The following MEIS1 variants were observed in gnomAD, a reference collection of about 807,000 sequenced individuals.
MEIS1 encodes the protein Meis homeobox 1.
In MEIS1, 5 loss-of-function variants were observed where a neutral mutation model predicts 50.8. The ratio of observed to expected loss-of-function variants is 0.10; its 90% CI spans 0.05 to 0.21. The LOEUF is 0.21. Ranked by LOEUF, MEIS1 falls within the 10% of genes least tolerant of loss-of-function variation. The pLI, the probability that MEIS1 is intolerant of heterozygous loss-of-function variation, is 1.00. For synonymous variants in MEIS1, 176 were observed against 179.3 expected (o/e 0.98, Z 0.15); for missense variants, 318 against 517.3 (o/e 0.61, Z 3.74).
In MEIS1 at chr2:66,554,248, A is replaced by T. The variant is rs190290174; in HGVS notation, c.965+6229A>T. Among the ~76,000 whole-genome samples, 34 of 152,350 alleles carry T rather than the reference A, an allele frequency of 2.2e-4. 1 individual carries two copies. The highest frequency in any genetic ancestry group is 7.9e-4 in the African/African-American group (33 of 41,586). The stretch of plus-strand genomic sequence containing the variant: ...ATGAAACCAGTGACAACGGAGGTTG[A>T]CTTTGAACATGGTATGCAGGTCAGC... On this transcript the variant is annotated intron_variant, in intron 9 of 12. Transcript: ENST00000272369.
chr2:66,498,763 G>T (rs1437303335), intron 7 of MEIS1, among the ~76,000 whole-genome samples: 1 of 152,180 alleles, frequency 6.6e-6, no homozygotes, highest in East Asian at 1.9e-4. Context: ...TTTGCCTGGA[G>T]GGGAAGATTC....
chr2:66,469,878 A>G (rs1672726663), intron 7 of MEIS1, among the ~76,000 whole-genome samples: 1 of 152,144 alleles, frequency 6.6e-6, no homozygotes, highest in Admixed American at 6.5e-5. Flanking sequence ...CTGTCACTGC[A>G]GCTTTTCAGC....
intron 9 of MEIS1, among the ~76,000 whole-genome samples, chr2:66,555,708 C>T (rs969884907): frequency 2.2e-4 from 34 of 152,096 alleles, no homozygotes; most frequent in Non-Finnish European, 3.5e-4. Flanking sequence ...CCGTTAAGCA[C>T]GGAAGCGCAG....
At chr2:66,486,850 T>C (rs1004536270) in intron 7 of MEIS1, among the ~76,000 whole-genome samples, 1 of 152,206 alleles carries the variant, frequency 6.6e-6, no homozygotes, top group Admixed American at 6.5e-5. Context: ...TATTTTATTC[T>C]TTTTGTAGCA....
At chr2:66,461,659 G>GC (rs1188684130) in intron 6 of MEIS1, 2 of 311,146 alleles carry the variant, frequency 6.4e-6, no homozygotes, top group African/African-American at 4.5e-5. Flanking sequence ...CATATAGGTT[G>GC]CACAAAATTT....
At chr2:66,506,612 T>C (rs1673690624) in intron 7 of MEIS1, among the ~76,000 whole-genome samples, 3 of 152,164 alleles carry the variant, frequency 2.0e-5, no homozygotes, top group Admixed American at 2.0e-4. Context: ...GGATTTTAAG[T>C]ACCAGGGTGA....
At chr2:66,544,471 A>ACACT (rs1674738842) in intron 8 of MEIS1, among the ~76,000 whole-genome samples, 1 of 152,146 alleles carries the variant, frequency 6.6e-6, no homozygotes, top group Non-Finnish European at 1.5e-5. Context: ...CAGGGAATTG[A>ACACT]AAGTTTGTGG....
Position 66,573,047 on chromosome 2 carries a change from G to C in MEIS1, c.*1839G>C, listed in dbSNP as rs866781594. The C allele has an allele frequency of 1.4e-4, 21 of 152,192 alleles. No individual in the cohort carries two copies. Among genetic ancestry groups the C allele is most frequent in the Middle Eastern group, 6.8e-3 (2 of 294 alleles). 9.4% of individuals were successfully genotyped at this position (152,192 alleles called of 1,614,324 possible). On this transcript the variant is annotated 3_prime_UTR_variant, in exon 13 of 13. Coordinates refer to ENST00000272369, the MANE Select transcript of MEIS1 (RefSeq NM_002398.3). ...AGTGAAATTATTCTTGCACATAAAGGCAAACCTAAGTACAAAGTTAAGTCT... is the reference window on the plus strand; with the variant it reads ...AGTGAAATTATTCTTGCACATAAAGCCAAACCTAAGTACAAAGTTAAGTCT...
chr2:66,498,058 T>C (rs1222642125), intron 7 of MEIS1, among the ~76,000 whole-genome samples: 1 of 152,010 alleles, frequency 6.6e-6, no homozygotes, highest in Non-Finnish European at 1.5e-5. Flanking sequence ...TGGGTATAGA[T>C]ATTTTGGAAA....
In MEIS1 at chr2:66,435,636, G is replaced by A. The variant is rs1671780422; in HGVS notation, c.-221G>A. 2.4e-6 allele frequency: 1 copy of A among 415,396 alleles called. No individual in the cohort carries two copies. Among genetic ancestry groups the A allele is most frequent in the African/African-American group, 2.1e-5 (1 of 48,238 alleles). The allele number at this position is 415,396 out of a possible 1,614,324, so 25.7% of individuals were successfully genotyped here. ...CCCCCGCTGCTGTCTTGGAAACGGA[G>A]CGCTTTTATGCTCAGTGACTCGGGC... On this transcript the variant is annotated 5_prime_UTR_variant, in exon 1 of 13. Transcript: ENST00000272369.
chr2:66,566,917 C>T (rs771730715), intron 9 of MEIS1, among the ~76,000 whole-genome samples: 13 of 151,988 alleles, frequency 8.6e-5, no homozygotes, highest in Non-Finnish European at 1.6e-4. Context: ...TGATAAACTC[C>T]AGACATTCTC....
intron 7 of MEIS1, among the ~76,000 whole-genome samples, chr2:66,506,901 C>T (rs1673696563): frequency 6.6e-6 from 1 of 152,150 alleles, no homozygotes; most frequent in South Asian, 2.1e-4. Context: ...AGAGAGGCCA[C>T]TGTAAAGGAA....
Position 66,439,915 on chromosome 2 carries a change from G to C in MEIS1, c.312G>C (p.Pro104=), listed in dbSNP as rs184168259. 6.2e-7 allele frequency: 1 copy of C among 1,613,584 alleles called. No homozygotes were observed. The highest frequency in any genetic ancestry group is 1.1e-5 in the South Asian group (1 of 91,012). The change falls in exon 3 of 13, where the codon CCG becomes CCC. Residue 104 remains proline (P), a synonymous_variant. Transcript: ENST00000272369. ...TAGCTACTTGTACCCCCCGCGAGCCGGGGGTGGCGGGCGGGGACGTCTGCT... is the reference window on the plus strand; with the variant it reads ...TAGCTACTTGTACCCCCCGCGAGCCCGGGGTGGCGGGCGGGGACGTCTGCT... ...CELATCTPRE[P]GVAGGDVCSS...
At chr2:66,459,036 C>T (rs898456017) in intron 6 of MEIS1, among the ~76,000 whole-genome samples, 3 of 152,266 alleles carry the variant, frequency 2.0e-5, no homozygotes, top group East Asian at 3.9e-4. Context: ...CACAGCAGGT[C>T]ATCACAAAGC....
chr2:66,471,276 G>T (rs561181256), intron 7 of MEIS1, among the ~76,000 whole-genome samples: 1 of 152,238 alleles, frequency 6.6e-6, no homozygotes, highest in Non-Finnish European at 1.5e-5. Flanking sequence ...TTATTTATGT[G>T]TGAATTCATG....
chr2:66,475,288 A>G (rs961886811), intron 7 of MEIS1, among the ~76,000 whole-genome samples: 1 of 146,806 alleles, frequency 6.8e-6, no homozygotes, highest in Non-Finnish European at 1.5e-5. Context: ...ATATAAAAAT[A>G]TAAAATAAAT....
chr2:66,502,238 A>G (rs1673575192), intron 7 of MEIS1, among the ~76,000 whole-genome samples: 1 of 152,168 alleles, frequency 6.6e-6, no homozygotes, highest in African/African-American at 2.4e-5. Context: ...ATGGCTTCCC[A>G]AATATAGGCA....
chr2:66,446,255 G>A (rs1672142559), intron 6 of MEIS1, among the ~76,000 whole-genome samples: 1 of 152,238 alleles, frequency 6.6e-6, no homozygotes, highest in Non-Finnish European at 1.5e-5. Flanking sequence ...AGAGGGGTTA[G>A]GCGAGGAGAG....
intron 7 of MEIS1, among the ~76,000 whole-genome samples, chr2:66,469,256 G>T (rs1229419786): frequency 6.6e-6 from 1 of 151,428 alleles, no homozygotes; most frequent in East Asian, 1.9e-4. Context: ...GCTAAGCACT[G>T]CATTTCTCTA....
Sources: gnomAD v4.1 joint callset for allele counts (sites outside exome capture counted in the v4.1 genomes callset) on GRCh38, gnomAD v4.1.1 for gene constraint, MANE v1.5 for transcripts, NCBI Gene and HGNC (gene_info 2026-07-23, HGNC 2026-07-21) for gene names.